HSPBP1: variants seen among roughly 807,000 people sequenced by gnomAD.
HSPBP1 encodes HSPA (Hsp70) binding protein 1, also known as hsp70-binding protein 1.
In HSPBP1, 31 loss-of-function variants were observed where a neutral mutation model predicts 41.7. That is an observed-to-expected ratio of 0.74 (90% CI 0.56 to 1.00). The LOEUF (loss-of-function observed/expected upper bound fraction) is 1.00, where lower values mean the gene tolerates loss of function less well. HSPBP1 is among the 50% of genes least tolerant of loss of function. The probability of loss-of-function intolerance (pLI) is 0.00; values close to 1 mark genes in which losing one functional copy is unlikely to be tolerated. For synonymous variants in HSPBP1, 199 were observed against 214.4 expected, an observed-to-expected ratio of 0.93 and a Z score of 0.63; for missense variants, 439 against 487.9, an observed-to-expected ratio of 0.90 and a Z score of 0.94.
chr19:55,266,169 A>G lies in HSPBP1; in HGVS notation c.758T>C (p.Leu253Pro). The change falls in exon 5 of 8, where the codon CTG (leucine) becomes CCG (proline). Residue 253 changes from leucine to proline, a missense_variant. Physicochemically the swap from Leu to Pro is moderately conservative, Grantham distance 98 (BLOSUM62 -3). Transcript: ENST00000433386. ...VQKLKVKSAF[L>P]LQNLLVGHPE... ...GTGGCCCACCAGCAGGTTCTGCAGC[A>G]GGAATGCTGATTTGACCTTGAGCTT... 6.3e-7 allele frequency: 1 copy of G among 1,594,546 alleles called. No homozygotes were observed. Among genetic ancestry groups the G allele is most frequent in the South Asian group, 1.1e-5 (1 of 87,984 alleles).
In HSPBP1 at chr19:55,272,611, C is replaced by T. The variant is rs2087952733; in HGVS notation, c.640+1787G>A. On this transcript the variant is annotated intron_variant, in intron 4 of 7. Coordinates refer to ENST00000433386, the MANE Select transcript of HSPBP1 (RefSeq NM_012267.5). The surrounding 1 kb of genome is among the most constrained non-coding windows in gnomAD (Gnocchi z 4.2). ...ATCCCAACACTTTGGGAGGCTGAGG[C>T]GGGTGGATCACCTGAGGTCAGGAGG... 2.6e-5 allele frequency among the ~76,000 whole-genome samples: 4 copies of T among 152,172 alleles called. No individual in the cohort carries two copies. Among genetic ancestry groups the T allele is most frequent in the Middle Eastern group, 6.9e-3 (2 of 290 alleles).
At chr19:55,277,581 G>A (rs773228255) in intron 3 of HSPBP1, 61 bp downstream of exon 3, 2 of 1,512,568 alleles carry the variant, frequency 1.3e-6, no homozygotes, top group Non-Finnish European at 1.8e-6. Context: ...AGGGGCAAGA[G>A]CTGAGAGGCA....
intron 7 of HSPBP1, among the ~76,000 whole-genome samples, chr19:55,263,567 A>G (rs1302581187): frequency 3.3e-5 from 5 of 152,228 alleles, no homozygotes. Flanking sequence ...GCGAGAGTGT[A>G]GAAACAACCT....
chr19:55,276,668 G>A (rs1346321776), intron 3 of HSPBP1, among the ~76,000 whole-genome samples: 2 of 152,132 alleles, frequency 1.3e-5, no homozygotes, highest in East Asian at 3.9e-4. Flanking sequence ...AAAGAGCAAA[G>A]TCGTTAAAAG....
chr19:55,271,784 G>A (rs1779384189), intron 4 of HSPBP1, among the ~76,000 whole-genome samples: 1 of 152,200 alleles, frequency 6.6e-6, no homozygotes, highest in Non-Finnish European at 1.5e-5. Flanking sequence ...CTCAGGCCAG[G>A]CACAGTGGCT....
intron 1 of HSPBP1, 32 bp from the exon 2 acceptor site, chr19:55,279,734 G>A: frequency 6.5e-7 from 1 of 1,534,708 alleles, no homozygotes; most frequent in Non-Finnish European, 8.7e-7. Flanking sequence ...AGGGGAGCTC[G>A]GCGACCCCCC....
rs910709627 is a variant in HSPBP1 at position 55,262,792 on chromosome 19, A to C, written c.1006-110T>G. On this transcript the variant is annotated intron_variant, in intron 7 of 7. Transcript: ENST00000433386. ...TCCTCTTCTCTCCTGGCCACCACCC[A>C]CTCCCCCCCACCAGAGGTTAGGCTT... 6.7e-6 allele frequency: 6 copies of C among 895,882 alleles called. No individual in the cohort carries two copies. The Admixed American group carries it at 6.7e-5, about 10-fold the overall frequency. 55.5% of individuals were successfully genotyped at this position (895,882 alleles called of 1,614,324 possible). A position where few individuals can be genotyped will look rare whatever the true frequency, so the allele number is the denominator to read the frequency against.
Position 55,280,092 on chromosome 19 carries a change from C to G in HSPBP1, c.-152G>C. 4.6e-6 allele frequency: 1 copy of G among 219,142 alleles called. No homozygotes were observed. Among genetic ancestry groups the G allele is most frequent in the Non-Finnish European group, 9.2e-6 (1 of 108,646 alleles). 13.6% of individuals were successfully genotyped at this position (219,142 alleles called of 1,614,324 possible). The stretch of plus-strand genomic sequence containing the variant: ...CAGACAAAGTCGTCCGCACCTGACT[C>G]TGCTGGGCGCCGCCATCTTAACCGG... On this transcript the variant is annotated 5_prime_UTR_variant, in exon 1 of 8. Coordinates refer to ENST00000433386, the MANE Select transcript of HSPBP1 (RefSeq NM_012267.5).
chr19:55,264,496 GTTAT>G (rs1190105336), intron 7 of HSPBP1, among the ~76,000 whole-genome samples: 5 of 152,114 alleles, frequency 3.3e-5, no homozygotes, highest in African/African-American at 4.8e-5. Context: ...TATCTAATGA[GTTAT>G]TTATTTGCCC....
intron 7 of HSPBP1, among the ~76,000 whole-genome samples, chr19:55,262,968 C>T (rs1438823575): frequency 6.6e-6 from 1 of 152,130 alleles, no homozygotes; most frequent in Non-Finnish European, 1.5e-5. Context: ...CAGATATGGA[C>T]CACTGCTCAA....
At chr19:55,274,344 G>GCCCCCCCCCCCCCCCCCCCCCCCCCCCCC in intron 4 of HSPBP1, 54 bp downstream of exon 4, 1 of 293,906 alleles carries the variant, frequency 3.4e-6, no homozygotes. Flanking sequence ...GGGCCCACCC[G>GCCCCCCCCCCCCCCCCCCCCCCCCCCCCC]GCACCCCCCC....
intron 4 of HSPBP1, among the ~76,000 whole-genome samples, chr19:55,271,802 A>G (rs986707741): frequency 2.6e-5 from 4 of 152,206 alleles, no homozygotes; most frequent in Non-Finnish European, 4.4e-5. Context: ...GCTCATGCCT[A>G]TAATCCCAGC....
chr19:55,266,489 ACC>A, intron 4 of HSPBP1, among the ~76,000 whole-genome samples: 1 of 140,050 alleles, frequency 7.1e-6, no homozygotes, highest in Non-Finnish European at 1.5e-5. Context: ...CACCACCACC[ACC>A]ATCACTATCA....
At chr19:55,276,390 C>T (rs994286848) in intron 3 of HSPBP1, among the ~76,000 whole-genome samples, 1 of 152,112 alleles carries the variant, frequency 6.6e-6, no homozygotes, top group African/African-American at 2.4e-5. Flanking sequence ...GTGGTATAAA[C>T]AGTCATATGG....
In HSPBP1 at chr19:55,272,604, G is replaced by A. The variant is rs1359115417; in HGVS notation, c.640+1794C>T. Among the ~76,000 whole-genome samples the A allele has an allele frequency of 6.6e-6, 1 of 152,202 alleles. No homozygotes were observed. Among genetic ancestry groups the A allele is most frequent in the Non-Finnish European group, 1.5e-5 (1 of 68,034 alleles). ...GCCTGTAATCCCAACACTTTGGGAG[G>A]CTGAGGCGGGTGGATCACCTGAGGT... On this transcript the variant is annotated intron_variant, in intron 4 of 7. Coordinates refer to ENST00000433386, the MANE Select transcript of HSPBP1 (RefSeq NM_012267.5). The surrounding 1 kb of genome is among the most constrained non-coding windows in gnomAD (Gnocchi z 4.2).
At position 55,266,168 on chromosome 19, in the gene HSPBP1, C is replaced by G. The variant is rs771688064; in HGVS notation, c.759G>C (p.Leu253=). ...VQKLKVKSAF[L]LQNLLVGHPE... The stretch of plus-strand genomic sequence containing the variant: ...GGTGGCCCACCAGCAGGTTCTGCAG[C>G]AGGAATGCTGATTTGACCTTGAGCT... The change falls in exon 5 of 8, where the codon CTG becomes CTC. Residue 253 remains leucine (L), a synonymous_variant. Coordinates refer to ENST00000433386, the MANE Select transcript of HSPBP1 (RefSeq NM_012267.5). 6.3e-7 allele frequency: 1 copy of G among 1,594,944 alleles called. No individual in the cohort carries two copies. The highest frequency in any genetic ancestry group is 1.1e-5 in the South Asian group (1 of 88,034).
chr19:55,274,347 A>AGGGCCCCCCCCCC, intron 4 of HSPBP1, 51 bp downstream of exon 4: 1 of 325,718 alleles, frequency 3.1e-6, no homozygotes, highest in Admixed American at 4.6e-5. Context: ...CCCACCCGGC[A>AGGGCCCCCCCCCC]CCCCCCCCCA....
chr19:55,263,941 T>G (rs1685169716), intron 7 of HSPBP1, among the ~76,000 whole-genome samples: 1 of 151,536 alleles, frequency 6.6e-6, no homozygotes, highest in African/African-American at 2.4e-5. Context: ...GGTGTATACA[T>G]AAGTCAAAAC....
At position 55,265,376 on chromosome 19, in the gene HSPBP1, A is replaced by G. The variant is rs751048619; in HGVS notation, c.907T>C (p.Phe303Leu). The change falls in exon 7 of 8, where the codon TTT (phenylalanine) becomes CTT (leucine). Residue 303 changes from phenylalanine to leucine, a missense_variant. Phe to Leu is a conservative substitution (Grantham distance 22). Transcript: ENST00000433386. Reference sequence around the variant, plus strand: ...CGACACTCGCGCACACCCTGCGGAAAGTCTGTCACCAGGCTGTGAGGGACA... The same window carrying G: ...CGACACTCGCGCACACCCTGCGGAAGGTCTGTCACCAGGCTGTGAGGGACA... ...LGALCSLVTD[F>L]PQGVRECREP... The G allele has an allele frequency of 8.7e-6, 14 of 1,613,080 alleles. No homozygotes were observed. The South Asian group carries it at 1.4e-4, about 16-fold the overall frequency.
Sources: allele counts gnomAD v4.1 joint callset (sites outside exome capture counted in the v4.1 genomes callset), GRCh38; gene constraint gnomAD v4.1.1; non-coding constraint Gnocchi (gnomAD v3.1); transcripts MANE v1.5; gene names NCBI Gene and HGNC (gene_info 2026-07-23, HGNC 2026-07-21).